Variants in WDFY3 observed in about 807,000 individuals in gnomAD.
WDFY3 encodes WD repeat and FYVE domain-containing protein 3.
In WDFY3, 66 loss-of-function variants were observed where a neutral mutation model predicts 409.6. The observed-to-expected ratio is 0.16, with a 90% CI of 0.13 to 0.20. The LOEUF (loss-of-function observed/expected upper bound fraction) is 0.20. WDFY3 is among the 10% of genes least tolerant of loss of function. WDFY3 has a pLI of 1.00. For missense variants in WDFY3, 3,031 were observed against 4,298.1 expected, an observed-to-expected ratio of 0.71 and a Z score of 8.24; for synonymous variants, 1,521 against 1,537.1, an observed-to-expected ratio of 0.99 and a Z score of 0.25.
chr4:84,902,117 G>A (rs1240727267), intron 2 of WDFY3, among the ~76,000 whole-genome samples: 3 of 152,062 alleles, frequency 2.0e-5, no homozygotes, highest in Admixed American at 1.3e-4. Flanking sequence ...AAGTTCTTAG[G>A]AAAATCTGGC....
chr4:84,778,426 A>G lies in WDFY3; in HGVS notation c.4518+77T>C, dbSNP rs12502409. The G allele has an allele frequency of 0.31, 400,626 of 1,294,400 alleles. 63,826 individuals carry two copies. The highest frequency in any genetic ancestry group is 0.41 in the East Asian group (15,669 of 38,614). The allele number at this position is 1,294,400 out of a possible 1,614,324, so 80.2% of individuals were successfully genotyped here. A position where few individuals can be genotyped will look rare whatever the true frequency, so the allele number is the denominator to read the frequency against. Reference sequence around the variant, plus strand: ...ATAGGGCTTTAAACACATTTTAGAGATAAAATAGTTTATAATCATATGGAG... The same window carrying G: ...ATAGGGCTTTAAACACATTTTAGAGGTAAAATAGTTTATAATCATATGGAG... On this transcript the variant is annotated intron_variant, in intron 27 of 67. Coordinates refer to ENST00000295888, the MANE Select transcript of WDFY3 (RefSeq NM_014991.6).
chr4:84,675,340 G>A (rs1726091933), intron 67 of WDFY3, among the ~76,000 whole-genome samples: 1 of 152,140 alleles, frequency 6.6e-6, no homozygotes, highest in Non-Finnish European at 1.5e-5. Context: ...AATTCCCACA[G>A]GAAATGGCTG....
intron 2 of WDFY3, among the ~76,000 whole-genome samples, chr4:84,917,832 T>C (rs2150817781): frequency 6.6e-6 from 1 of 152,066 alleles, no homozygotes; most frequent in South Asian, 2.1e-4. Context: ...AGAAATAATA[T>C]TCCCAACATT....
Position 84,864,885 on chromosome 4 carries a change from T to A in WDFY3, c.-31-4263A>T, listed in dbSNP as rs192165576. Among the ~76,000 whole-genome samples the A allele has an allele frequency of 2.7e-4, 41 of 151,306 alleles. No individual in the cohort carries two copies. In the Admixed American group the frequency reaches 2.7e-3, roughly 10 times the overall value. On this transcript the variant is annotated intron_variant, in intron 3 of 67. Transcript: ENST00000295888. ...TCTTTTTTGAGTTTTCTGAAATACA[T>A]AAATCTTTTTTTTTTCTTTTGAAAC...
chr4:84,860,293 A>G, intron 4 of WDFY3, 119 bp downstream of exon 4: 5 of 1,218,976 alleles, frequency 4.1e-6, no homozygotes, highest in Non-Finnish European at 3.4e-6. Context: ...CGAGAACACC[A>G]AACTTCTTAA....
chr4:84,753,751 C>T lies in WDFY3; in HGVS notation c.5685G>A (p.Leu1895=). Residue 1895 remains leucine, a synonymous_variant, in exon 35 of 68, where the codon CTG becomes CTA. Transcript: ENST00000295888. ...LASMWMSPDF[L]CALAATVFPF... is the part of the protein sequence containing the mutation. ...GGAAGACGGTGGCTGCTAATGCACA[C>T]AGGAAGTCAGGGCTCATCCACATGG... 2 of 1,609,520 alleles carry T rather than the reference C, an allele frequency of 1.2e-6. No homozygotes were observed. The highest frequency in any genetic ancestry group is 1.7e-6 in the Non-Finnish European group (2 of 1,178,146).
At chr4:84,874,441 G>A (rs867533637) in intron 3 of WDFY3, among the ~76,000 whole-genome samples, 1 of 151,718 alleles carries the variant, frequency 6.6e-6, no homozygotes, top group African/African-American at 2.4e-5. Context: ...CACAAAGCAG[G>A]TATCATACCA....
intron 44 of WDFY3, among the ~76,000 whole-genome samples, chr4:84,731,491 T>A (rs569732847): frequency 2.0e-5 from 3 of 152,344 alleles, no homozygotes; most frequent in Non-Finnish European, 4.4e-5. Flanking sequence ...TACCTGTCTC[T>A]CCTTCCTGAC....
At chr4:84,916,539 C>T (rs1387346142) in intron 2 of WDFY3, among the ~76,000 whole-genome samples, 1 of 152,148 alleles carries the variant, frequency 6.6e-6, no homozygotes, top group Non-Finnish European at 1.5e-5. Context: ...TCAGTTTGTA[C>T]TCAGGCAGGA....
At chr4:84,692,658 G>A (rs1026546832) in intron 59 of WDFY3, among the ~76,000 whole-genome samples, 5 of 151,730 alleles carry the variant, frequency 3.3e-5, no homozygotes, top group Non-Finnish European at 7.4e-5. Flanking sequence ...AAGACTGTTT[G>A]GTTCTTTCTG....
At chr4:84,798,702 T>C (rs1350244953) in intron 17 of WDFY3, among the ~76,000 whole-genome samples, 3 of 152,096 alleles carry the variant, frequency 2.0e-5, no homozygotes, top group Non-Finnish European at 4.4e-5. Flanking sequence ...AATCTGCTCT[T>C]TTCTCTCATT....
At chr4:84,866,435 T>C (rs1271502474) in intron 3 of WDFY3, among the ~76,000 whole-genome samples, 2 of 152,080 alleles carry the variant, frequency 1.3e-5, no homozygotes, top group African/African-American at 4.8e-5. Context: ...AAATGCCCCA[T>C]CTCCCCAGGC....
intron 24 of WDFY3, among the ~76,000 whole-genome samples, chr4:84,784,891 T>TATATATACACACACACAC (rs1238884117): frequency 1.1e-4 from 4 of 36,930 alleles, no homozygotes; most frequent in African/African-American, 3.1e-4. Flanking sequence ...TATATATATA[T>TATATATACACACACACAC]ACACACACAC....
rs920950087 is a variant in WDFY3, at chr4:84,797,979, G to T, written c.2935+17C>A. ...TCATTCATAAAATAAATCAAAAAAG[G>T]GAATTTCAAAACTTACTTCTCATTT... On this transcript the variant is annotated intron_variant, in intron 18 of 67. Transcript: ENST00000295888. The T allele has an allele frequency of 3.8e-6, 6 of 1,567,502 alleles. No individual in the cohort carries two copies. The highest frequency in any genetic ancestry group is 5.2e-6 in the Non-Finnish European group (6 of 1,150,470).
intron 54 of WDFY3, 92 bp downstream of exon 54, chr4:84,705,294 ATAAGCAAT>A: frequency 7.1e-6 from 6 of 850,756 alleles, no homozygotes; most frequent in Non-Finnish European, 1.2e-5. Flanking sequence ...GATATGATAT[ATAAGCAAT>A]TTGAAGGAGG....
chr4:84,790,680 T>C (rs1216036421), intron 21 of WDFY3, among the ~76,000 whole-genome samples: 2 of 152,128 alleles, frequency 1.3e-5, no homozygotes, highest in Non-Finnish European at 2.9e-5. Flanking sequence ...ATCTATGGAA[T>C]GGGAGAAAAA....
chr4:84,938,823 T>G (rs1364072419), intron 1 of WDFY3, among the ~76,000 whole-genome samples: 5 of 152,020 alleles, frequency 3.3e-5, no homozygotes, highest in Non-Finnish European at 5.9e-5. Context: ...ACACATACAC[T>G]TTTTTTCCTG....
intron 2 of WDFY3, among the ~76,000 whole-genome samples, chr4:84,932,064 G>A (rs1050508646): frequency 2.6e-5 from 4 of 152,146 alleles, no homozygotes; most frequent in Non-Finnish European, 5.9e-5. Flanking sequence ...TTATTCTAAT[G>A]TAGCCCTGTT....
At chr4:84,913,655 A>G (rs1415313336) in intron 2 of WDFY3, among the ~76,000 whole-genome samples, 16 of 152,134 alleles carry the variant, frequency 1.1e-4, no homozygotes, top group Non-Finnish European at 2.4e-4. Flanking sequence ...ATTATCCAAG[A>G]CTTCTTTTAT....
Sources: allele counts gnomAD v4.1 joint callset (sites outside exome capture counted in the v4.1 genomes callset), GRCh38; gene constraint gnomAD v4.1.1; transcripts MANE v1.5; gene names NCBI Gene and HGNC (gene_info 2026-07-23, HGNC 2026-07-21).